Variants in PTCSC3 observed in about 807,000 individuals in gnomAD.
The protein encoded by PTCSC3 is papillary thyroid carcinoma susceptibility candidate 3 (non-protein coding).
chr14:36,152,129 T>G (rs181012920), intron 3 of PTCSC3, among the ~76,000 whole-genome samples: 77 of 152,314 alleles, frequency 5.1e-4, no homozygotes, highest in African/African-American at 1.8e-3. Flanking sequence ...CTGTGGATTT[T>G]AGATATAAAT....
intron 1 of PTCSC3, chr14:36,165,187 G>A (rs1298809581): frequency 1.3e-5 from 2 of 152,214 alleles, no homozygotes; most frequent in African/African-American, 4.8e-5. Context: ...CAGAAGACTG[G>A]AAGTGGAGGT....
At chr14:36,144,171 A>G (rs1416346828) in intron 3 of PTCSC3, among the ~76,000 whole-genome samples, 1 of 151,790 alleles carries the variant, frequency 6.6e-6, no homozygotes, top group Non-Finnish European at 1.5e-5. Flanking sequence ...TGAACTTTAA[A>G]GTAGTTTTTT....
intron 2 of PTCSC3, among the ~76,000 whole-genome samples, chr14:36,160,974 G>A (rs149309093): frequency 2.4e-3 from 359 of 151,740 alleles, no homozygotes; most frequent in African/African-American, 5.0e-3. Flanking sequence ...TCATTAAGTT[G>A]ATCTTCAATC....
At chr14:36,140,939 A>AG (rs1235246761) in intron 3 of PTCSC3, among the ~76,000 whole-genome samples, 1 of 151,868 alleles carries the variant, frequency 6.6e-6, no homozygotes, top group Non-Finnish European at 1.5e-5. Context: ...GACTTTTTTG[A>AG]GGGGGGAATA....
At chr14:36,154,945 C>T (rs1284810884) in intron 2 of PTCSC3, among the ~76,000 whole-genome samples, 1 of 152,152 alleles carries the variant, frequency 6.6e-6, no homozygotes, top group Non-Finnish European at 1.5e-5. Context: ...CCCTTCTTGG[C>T]CCCATGCATT....
At chr14:36,153,687 T>TA (rs1309013363) in intron 3 of PTCSC3, 1 of 152,212 alleles carries the variant, frequency 6.6e-6, no homozygotes, top group African/African-American at 2.4e-5. Context: ...CAGTATAATT[T>TA]ATAATAGTAG....
At chr14:36,143,973 A>G (rs1041964645) in intron 3 of PTCSC3, among the ~76,000 whole-genome samples, 4 of 152,108 alleles carry the variant, frequency 2.6e-5, no homozygotes, top group Non-Finnish European at 5.9e-5. Flanking sequence ...AGTTGTAGTT[A>G]TGTGGCGTTA....
At chr14:36,171,566 C>T (rs1409105390) in intron 1 of PTCSC3, among the ~76,000 whole-genome samples, 1 of 152,106 alleles carries the variant, frequency 6.6e-6, no homozygotes. Flanking sequence ...TCTAATTGGG[C>T]ATTTCTCAAA....
intron 3 of PTCSC3, among the ~76,000 whole-genome samples, chr14:36,139,500 C>T (rs1202736536): frequency 1.3e-5 from 2 of 152,144 alleles, no homozygotes; most frequent in African/African-American, 4.8e-5. Flanking sequence ...AGATCTGAGC[C>T]ACCATCACCC....
At chr14:36,156,128 G>A (rs1221040053) in intron 2 of PTCSC3, among the ~76,000 whole-genome samples, 3 of 152,164 alleles carry the variant, frequency 2.0e-5, no homozygotes, top group Non-Finnish European at 4.4e-5. Context: ...ATGGTCTGTG[G>A]GTTCTGCCTG....
intron 3 of PTCSC3, among the ~76,000 whole-genome samples, chr14:36,141,707 C>CATAT (rs1044526103): frequency 6.6e-6 from 1 of 151,900 alleles, no homozygotes; most frequent in African/African-American, 2.4e-5. Flanking sequence ...ATATTTTTCT[C>CATAT]ATATATATGT....
At chr14:36,153,792 A>G (rs1479471620) in intron 3 of PTCSC3, 1 of 152,168 alleles carries the variant, frequency 6.6e-6, no homozygotes, top group Non-Finnish European at 1.5e-5. Context: ...CAAGCCAGAC[A>G]TGGTGCCTCA....
intron 3 of PTCSC3, among the ~76,000 whole-genome samples, chr14:36,151,076 C>CA (rs1308247625): frequency 3.9e-5 from 6 of 152,084 alleles, no homozygotes; most frequent in African/African-American, 1.2e-4. Context: ...CTATTGCTGA[C>CA]AAATTTCCTC....
At chr14:36,147,733 G>A (rs1251792293) in intron 3 of PTCSC3, among the ~76,000 whole-genome samples, 1 of 152,004 alleles carries the variant, frequency 6.6e-6, no homozygotes, top group East Asian at 1.9e-4. Flanking sequence ...AGGAGGAGAG[G>A]CGCTCTGCTT....
intron 1 of PTCSC3, among the ~76,000 whole-genome samples, chr14:36,164,518 ATTCTT>A (rs1457492593): frequency 2.6e-5 from 4 of 152,192 alleles, no homozygotes; most frequent in Non-Finnish European, 4.4e-5. Flanking sequence ...AAAACCAGTC[ATTCTT>A]TTCATCATGC....
chr14:36,149,972 C>T (rs1274251294), intron 3 of PTCSC3, among the ~76,000 whole-genome samples: 1 of 152,148 alleles, frequency 6.6e-6, no homozygotes, highest in Admixed American at 6.5e-5. Context: ...AAAATCTCTC[C>T]AGTGAGCATT....
intron 1 of PTCSC3, among the ~76,000 whole-genome samples, chr14:36,167,011 A>G (rs1483940045): frequency 6.6e-6 from 1 of 152,226 alleles, no homozygotes; most frequent in African/African-American, 2.4e-5. Flanking sequence ...GGTGGATGAT[A>G]GAGGCTATAC....
chr14:36,152,746 T>C (rs1436797533), intron 3 of PTCSC3, among the ~76,000 whole-genome samples: 1 of 150,880 alleles, frequency 6.6e-6, no homozygotes, highest in Non-Finnish European at 1.5e-5. Context: ...ATAAAAAAAA[T>C]AGCTAGGCAT....
intron 2 of PTCSC3, among the ~76,000 whole-genome samples, chr14:36,156,509 C>T (rs910010029): frequency 6.6e-6 from 1 of 152,098 alleles, no homozygotes; most frequent in Non-Finnish European, 1.5e-5. Flanking sequence ...GTTTGTTGCA[C>T]CCATCCGCCC....
Sources: gnomAD v4.1 joint callset for allele counts (sites outside exome capture counted in the v4.1 genomes callset) on GRCh38, gnomAD v4.1.1 for gene constraint, MANE v1.5 for transcripts, NCBI Gene and HGNC (gene_info 2026-07-23, HGNC 2026-07-21) for gene names.